Variants in LDLRAD4 observed in about 807,000 individuals in gnomAD.
The protein encoded by LDLRAD4 is low density lipoprotein receptor class A domain containing 4.
LDLRAD4 carries 5 observed loss-of-function variants against 17.0 expected under a neutral mutation model. The observed-to-expected ratio is 0.29, with a 90% CI of 0.15 to 0.62. The LOEUF (loss-of-function observed/expected upper bound fraction) is 0.62. LDLRAD4 is among the 20% of genes least tolerant of loss of function. The pLI is 0.84. For synonymous variants in LDLRAD4, 168 were observed against 171.8 expected, an observed-to-expected ratio of 0.98 and a Z score of 0.17; for missense variants, 340 against 424.7, an observed-to-expected ratio of 0.80 and a Z score of 1.75.
intron 1 of LDLRAD4, chr18:13,362,297 C>T (rs186297327): frequency 5.9e-5 from 9 of 152,340 alleles, no homozygotes; most frequent in African/African-American, 1.4e-4. Flanking sequence ...GAGTGAAATT[C>T]GTGCTTTCCT....
chr18:13,350,244 CCAT>C (rs1479703768), intron 1 of LDLRAD4, among the ~76,000 whole-genome samples: 2 of 152,176 alleles, frequency 1.3e-5, no homozygotes, highest in African/African-American at 4.8e-5. Context: ...TACATTTCTA[CCAT>C]CAGTGCAAAA....
intron 3 of LDLRAD4, among the ~76,000 whole-genome samples, chr18:13,443,944 A>C (rs1376501975): frequency 6.6e-6 from 1 of 152,222 alleles, no homozygotes; most frequent in Non-Finnish European, 1.5e-5. Flanking sequence ...CTCTTCCATC[A>C]GGAGCACATT....
chr18:13,537,952 A>G (rs149310244), intron 3 of LDLRAD4, among the ~76,000 whole-genome samples: 1 of 152,192 alleles, frequency 6.6e-6, no homozygotes. Context: ...CTAACTTGTT[A>G]AATCTATTGG....
chr18:13,506,683 C>G (rs2093699217), intron 3 of LDLRAD4, among the ~76,000 whole-genome samples: 1 of 152,176 alleles, frequency 6.6e-6, no homozygotes, highest in African/African-American at 2.4e-5. Flanking sequence ...GAAGAAGATG[C>G]CATGTAGGAT....
At chr18:13,345,510 T>C (rs1349955864) in intron 1 of LDLRAD4, among the ~76,000 whole-genome samples, 1 of 152,206 alleles carries the variant, frequency 6.6e-6, no homozygotes, top group Admixed American at 6.5e-5. Context: ...ATTTTTGCAT[T>C]GATGTTCATC....
At chr18:13,519,996 C>G (rs2093928426) in intron 3 of LDLRAD4, 2 of 152,192 alleles carry the variant, frequency 1.3e-5, no homozygotes, top group African/African-American at 4.8e-5. Flanking sequence ...TATGCACTAG[C>G]TACAGGTGCA....
At chr18:13,397,306 C>A (rs539786327) in intron 2 of LDLRAD4, among the ~76,000 whole-genome samples, 302 of 152,166 alleles carry the variant, frequency 2.0e-3, no homozygotes, top group Non-Finnish European at 3.1e-3. Flanking sequence ...ACCACACCTG[C>A]CTAATTTTTT....
In LDLRAD4 at chr18:13,398,757, C is replaced by T. The variant is rs558991985; in HGVS notation, c.40+10995C>T. On this transcript the variant is annotated intron_variant, in intron 2 of 5. Transcript: ENST00000359446. The surrounding 1 kb of genome is among the most constrained non-coding windows in gnomAD (Gnocchi z 4.8). ...CACAGCCTCTGACCACCAGCCTGGA[C>T]GTGGGGATACGTCTCTGCAGAACCA... 5.9e-5 allele frequency among the ~76,000 whole-genome samples: 9 copies of T among 151,992 alleles called. No homozygotes were observed. The highest frequency in any genetic ancestry group is 1.3e-4 in the Non-Finnish European group (9 of 67,990).
intron 2 of LDLRAD4, 51 bp downstream of exon 3, chr18:13,387,813 A>G (rs1212354449): frequency 5.9e-6 from 9 of 1,534,752 alleles, no homozygotes; most frequent in Admixed American, 1.7e-5. Flanking sequence ...CTGGGAGGCA[A>G]TAAACTCCCA....
At chr18:13,485,786 A>G (rs2093208423) in intron 3 of LDLRAD4, among the ~76,000 whole-genome samples, 1 of 152,182 alleles carries the variant, frequency 6.6e-6, no homozygotes, top group Non-Finnish European at 1.5e-5. Flanking sequence ...GGCTGAGGCA[A>G]GAGGATCGCT....
At position 13,437,117 on chromosome 18, in the gene LDLRAD4, C is replaced by A. The variant is rs115512389; in HGVS notation, c.41-1127C>A. ...AGGCCTTGGTGTGCCGATGCCCAGCCTTTTATTTGAATGATTGAAAATCTG... is the reference window on the plus strand; with the variant it reads ...AGGCCTTGGTGTGCCGATGCCCAGCATTTTATTTGAATGATTGAAAATCTG... On this transcript the variant is annotated intron_variant, in intron 2 of 5. Transcript: ENST00000359446. Among the ~76,000 whole-genome samples, 506 of 152,316 alleles carry A rather than the reference C, an allele frequency of 3.3e-3. 6 individuals are homozygous for A. Among genetic ancestry groups the A allele is most frequent in the African/African-American group, 0.012 (492 of 41,566 alleles).
chr18:13,450,301 C>A (rs2091722306), intron 3 of LDLRAD4, among the ~76,000 whole-genome samples: 1 of 145,554 alleles, frequency 6.9e-6, no homozygotes, highest in African/African-American at 2.6e-5. Context: ...GACCTGGGGC[C>A]AGTGCAGTTA....
intron 3 of LDLRAD4, among the ~76,000 whole-genome samples, chr18:13,480,138 A>G (rs558188113): frequency 1.3e-5 from 2 of 152,370 alleles, no homozygotes; most frequent in South Asian, 2.1e-4. Flanking sequence ...TTTATTCATC[A>G]TGGCTAAATC....
chr18:13,243,721 C>A (rs1473948375), intron 1 of LDLRAD4, among the ~76,000 whole-genome samples: 2 of 146,028 alleles, frequency 1.4e-5, no homozygotes, highest in Non-Finnish European at 3.0e-5. Flanking sequence ...CACCCATCCA[C>A]CCACCCAGCG....
At chr18:13,496,240 A>T (rs1348068547) in intron 3 of LDLRAD4, among the ~76,000 whole-genome samples, 1 of 152,206 alleles carries the variant, frequency 6.6e-6, no homozygotes, top group Admixed American at 6.5e-5. Flanking sequence ...TTGTTCAGGA[A>T]GATGGTGGAG....
intron 2 of LDLRAD4, among the ~76,000 whole-genome samples, chr18:13,433,408 A>C (rs1207374679): frequency 6.6e-6 from 1 of 152,248 alleles, no homozygotes; most frequent in Non-Finnish European, 1.5e-5. Context: ...AATTCACAAA[A>C]AAGGCTGATT....
chr18:13,466,841 G>A (rs1413607256), intron 3 of LDLRAD4, among the ~76,000 whole-genome samples: 1 of 152,154 alleles, frequency 6.6e-6, no homozygotes, highest in Non-Finnish European at 1.5e-5. Flanking sequence ...TCTTCACATG[G>A]TGGAAGGGGC....
Position 13,330,908 on chromosome 18 carries a change from A to G in LDLRAD4, c.-383+52720A>G, listed in dbSNP as rs1399843262. The stretch of plus-strand genomic sequence containing the variant: ...ATAATGAAGTTTCCATAAAAACCCA[A>G]AGGACTGGGGTCCAAGAGCTTCTGG... On this transcript the variant is annotated intron_variant, in intron 1 of 5. Transcript: ENST00000359446. Among the ~76,000 whole-genome samples, 6 of 152,324 alleles carry G rather than the reference A, an allele frequency of 3.9e-5. No individual in the cohort carries two copies. The East Asian group carries it at 1.2e-3, about 29-fold the overall frequency.
chr18:13,313,144 A>G (rs907138869), intron 1 of LDLRAD4, among the ~76,000 whole-genome samples: 1 of 152,130 alleles, frequency 6.6e-6, no homozygotes, highest in Non-Finnish European at 1.5e-5. Context: ...GGCTAGAAGG[A>G]TCTGTTATTT....
Sources: allele counts gnomAD v4.1 joint callset (sites outside exome capture counted in the v4.1 genomes callset), GRCh38; gene constraint gnomAD v4.1.1; non-coding constraint Gnocchi (gnomAD v3.1); transcripts MANE v1.5; gene names NCBI Gene and HGNC (gene_info 2026-07-23, HGNC 2026-07-21).